Variants in SLC35B1 observed in about 807,000 individuals in gnomAD.
SLC35B1 encodes solute carrier family 35 member B1, also known as ATP/ADP exchanger ER.
A neutral mutation model predicts 36.6 loss-of-function variants in SLC35B1; 27 were observed. The ratio of observed to expected loss-of-function variants is 0.74; its 90% CI spans 0.54 to 1.02. The LOEUF (loss-of-function observed/expected upper bound fraction) is 1.02. Among genes scored for constraint, SLC35B1 ranks in the 50% least tolerant of loss-of-function variants. The pLI is 0.00. For missense variants in SLC35B1, 321 were observed against 383.2 expected (o/e 0.84, Z 1.35); for synonymous variants, 162 against 152.5 (o/e 1.06, Z -0.46).
At chr17:49,707,222 G>C in intron 1 of SLC35B1, 154 bp from the exon 2 acceptor site, 1 of 1,358,750 alleles carries the variant, frequency 7.4e-7, no homozygotes, top group Non-Finnish European at 9.9e-7. Flanking sequence ...TTTGCAAAAG[G>C]GGCTGATTTT....
At chr17:49,706,374 A>ACC in intron 2 of SLC35B1, 40 bp from the exon 3 acceptor site, 10 of 1,140,284 alleles carry the variant, frequency 8.8e-6, no homozygotes, top group South Asian at 1.9e-5. Flanking sequence ...AAGAAAAGAA[A>ACC]AGAAAAAAAA....
chr17:49,706,376 G>GAAAAAA (rs376610823), intron 2 of SLC35B1, 42 bp from the exon 3 acceptor site: 121 of 521,150 alleles, frequency 2.3e-4, no homozygotes, highest in South Asian at 2.1e-3. Flanking sequence ...GAAAAGAAAA[G>GAAAAAA]AAAAAAAAAA....
chr17:49,702,085 C>T (rs989171388), intron 8 of SLC35B1: 67 of 170,764 alleles, frequency 3.9e-4, no homozygotes, highest in Non-Finnish European at 6.8e-4. Context: ...AGAGGGAGAC[C>T]CTAGGAAGGC....
intron 1 of SLC35B1, chr17:49,707,406 C>T: frequency 7.0e-7 from 1 of 1,437,784 alleles, no homozygotes; most frequent in South Asian, 1.2e-5. Context: ...AGGTTGTTTG[C>T]AAGCATCTGG....
In SLC35B1 at chr17:49,706,346, C is replaced by CAAAAAAAAAAAAAAAAAGAAAA. The variant is rs2073417445; in HGVS notation, c.209-13_209-12insTTTTCTTTTTTTTTTTTTTTTT. 1.4e-6 allele frequency: 1 copy of CAAAAAAAAAAAAAAAAAGAAAA among 703,146 alleles called. No homozygotes were observed. The highest frequency in any genetic ancestry group is 4.9e-5 in the South Asian group (1 of 20,560). The allele number at this position is 703,146 out of a possible 1,614,324, so 43.6% of individuals were successfully genotyped here. ...AAAAAACTGGATCACTGGGAGAAGACAAAAAAAAAAAAAAAAAAAGAAAAG... is the reference window on the plus strand; with the variant it reads ...AAAAAACTGGATCACTGGGAGAAGACAAAAAAAAAAAAAAAAAGAAAAAAAAAAAAAAAAAAAAAAAGAAAAG... On this transcript the variant is annotated splice_polypyrimidine_tract_variant and intron_variant, in intron 2 of 8. Transcript: ENST00000240333.
In SLC35B1 at chr17:49,707,888, CGGCGGCGGA is replaced by C; in HGVS notation, c.-64_-56del. The C allele has an allele frequency of 6.2e-7, 1 of 1,602,934 alleles. No individual in the cohort carries two copies. The highest frequency in any genetic ancestry group is 8.5e-7 in the Non-Finnish European group (1 of 1,175,536). On this transcript the variant is annotated 5_prime_UTR_variant, in exon 1 of 9. Transcript: ENST00000240333. ...CGCTCACAACCGGCACCGGCAGCAG[CGGCGGCGGA>C]GGCGACAGCTCCAGCCGGACATCGC...
intron 3 of SLC35B1, 82 bp downstream of exon 3, chr17:49,706,122 T>TTTA: frequency 2.3e-5 from 29 of 1,239,636 alleles, no homozygotes; most frequent in Non-Finnish European, 2.9e-5. Context: ...TTTTTTTTTT[T>TTTA]AACTCACAGA....
At chr17:49,708,138 G>A (rs568159615), upstream of SLC35B1, 1 of 698,782 alleles carries the variant, frequency 1.4e-6, no homozygotes, top group Non-Finnish European at 2.6e-6. Context: ...TCGCCCTGGA[G>A]ATTTTTCCAA....
chr17:49,707,468 G>C, intron 1 of SLC35B1: 1 of 1,478,306 alleles, frequency 6.8e-7, no homozygotes, highest in South Asian at 1.2e-5. Context: ...AGAAGTCTCA[G>C]CCTGTAAAAC....
chr17:49,703,606 T>C, intron 6 of SLC35B1: 2 of 365,934 alleles, frequency 5.5e-6, no homozygotes, highest in South Asian at 2.4e-5. Flanking sequence ...CACACATCCT[T>C]AGCTCAAGGA....
rs2073403640 is a variant in SLC35B1, at chr17:49,705,406, A to G, written c.371-125T>C. On this transcript the variant is annotated intron_variant, in intron 4 of 8. Transcript: ENST00000240333. Reference sequence around the variant, plus strand: ...AGAATGACTGAGAAGGAAGGCTTAGAGAGGACAAAAGGAGGGTGCCAGGCT... The same window carrying G: ...AGAATGACTGAGAAGGAAGGCTTAGGGAGGACAAAAGGAGGGTGCCAGGCT... 3 of 991,430 alleles carry G rather than the reference A, an allele frequency of 3.0e-6. No homozygotes were observed. In the South Asian group the frequency reaches 5.1e-5, roughly 17 times the overall value. 61.4% of individuals were successfully genotyped at this position (991,430 alleles called of 1,614,324 possible). A position where few individuals can be genotyped will look rare whatever the true frequency, so the allele number is the denominator to read the frequency against.
rs755140195 is a variant in SLC35B1, at chr17:49,705,098, G to T, written c.528+26C>A. 3.7e-6 allele frequency: 6 copies of T among 1,612,052 alleles called. No individual in the cohort carries two copies. In the African/African-American group the frequency reaches 8.0e-5, roughly 22 times the overall value. On this transcript the variant is annotated intron_variant, in intron 5 of 8. Coordinates refer to ENST00000240333, the MANE Select transcript of SLC35B1 (RefSeq NM_005827.4). Reference sequence around the variant, plus strand: ...CTTTGGTTAAGTTTGCTGGAAAAGGGTGCCTTCCCCAACAGGATCTCATAC... The same window carrying T: ...CTTTGGTTAAGTTTGCTGGAAAAGGTTGCCTTCCCCAACAGGATCTCATAC...
rs2073427473 is a variant in SLC35B1, at chr17:49,707,023, G to A, written c.150C>T (p.Thr50=). The A allele has an allele frequency of 6.2e-6, 10 of 1,613,918 alleles. No homozygotes were observed. The East Asian group carries it at 2.2e-4, about 36-fold the overall frequency. ...YGEGAKQETF[T]FALTLVFIQC... The stretch of plus-strand genomic sequence containing the variant: ...GAATGAAGACCAAAGTTAAGGCAAA[G>A]GTGAACGTCTCCTGCTTGGCTCCTT... Residue 50 remains threonine, a synonymous_variant, in exon 2 of 9, where the codon ACC becomes ACT. Transcript: ENST00000240333.
At chr17:49,707,674 G>A (rs1261025155) in intron 1 of SLC35B1, 56 bp downstream of exon 1, 2 of 1,576,328 alleles carry the variant, frequency 1.3e-6, no homozygotes, top group Non-Finnish European at 1.7e-6. Flanking sequence ...CAGAAGGCCC[G>A]GGATCCCTGT....
rs778021618 is a variant in SLC35B1 at position 49,705,289 on chromosome 17, GA to G, written c.371-9del. The G allele has an allele frequency of 1.2e-6, 2 of 1,612,270 alleles. No homozygotes were observed. The highest frequency in any genetic ancestry group is 1.7e-6 in the Non-Finnish European group (2 of 1,179,420). On this transcript the variant is annotated splice_polypyrimidine_tract_variant and intron_variant, in intron 4 of 8. Coordinates refer to ENST00000240333, the MANE Select transcript of SLC35B1 (RefSeq NM_005827.4). Reference sequence around the variant, plus strand: ...TCACCCCAAGGAGCATGACTACAGGGAAAAAACAGAGTGGAAAATTCAGGCA... The same window carrying G: ...TCACCCCAAGGAGCATGACTACAGGGAAAAACAGAGTGGAAAATTCAGGCA...
At chr17:49,703,539 T>G (rs958402114) in intron 6 of SLC35B1, 1 of 438,670 alleles carries the variant, frequency 2.3e-6, no homozygotes, top group Non-Finnish European at 4.3e-6. Flanking sequence ...GTTAATGAGT[T>G]ACTTCTACCA....
upstream of SLC35B1, chr17:49,708,172 CGACCCAGAGCACCACAG>C (rs1229913816): frequency 1.5e-6 from 1 of 665,034 alleles, no homozygotes; most frequent in Admixed American, 2.3e-5. Flanking sequence ...AGGACAACTG[CGACCCAGAGCACCACAG>C]GGTGTCCTAG....
chr17:49,706,054 G>C (rs962968399), intron 3 of SLC35B1, 150 bp downstream of exon 3: 2 of 1,294,202 alleles, frequency 1.5e-6, no homozygotes, highest in African/African-American at 1.5e-5. Flanking sequence ...ACCACTAAAC[G>C]TAAGTTCTAT....
intron 4 of SLC35B1, 148 bp from the exon 5 acceptor site, chr17:49,705,429 G>C: frequency 5.2e-6 from 4 of 764,330 alleles, no homozygotes; most frequent in Admixed American, 2.9e-5. Flanking sequence ...AGGGTGCCAG[G>C]CTGGCACCTA....
Sources: gnomAD v4.1 joint callset for allele counts on GRCh38, gnomAD v4.1.1 for gene constraint, MANE v1.5 for transcripts, NCBI Gene and HGNC (gene_info 2026-07-23, HGNC 2026-07-21) for gene names.